Variants in FYB2 observed in about 807,000 individuals in gnomAD.
FYB2 encodes the protein FYN binding protein 2.
Under a neutral mutation model 94.1 loss-of-function variants are expected in FYB2, and 103 were observed. The ratio of observed to expected loss-of-function variants is 1.09; its 90% CI spans 0.93 to 1.29. The LOEUF (loss-of-function observed/expected upper bound fraction) is 1.29, where lower values mean the gene tolerates loss of function less well. Ranked by LOEUF, FYB2 falls within the 50% of genes most tolerant of loss-of-function variation. The pLI is 0.00. For missense variants in FYB2, 896 were observed against 841.5 expected (o/e 1.06, Z -0.80); for synonymous variants, 293 against 287.9 (o/e 1.02, Z -0.18).
chr1:56,787,357 C>T (rs1646155948), intron 3 of FYB2, 149 bp from the exon 4 acceptor site: 5 of 859,390 alleles, frequency 5.8e-6, no homozygotes, highest in Non-Finnish European at 9.5e-6. Context: ...CACCCCAGCA[C>T]CCAGGGGATG....
intron 6 of FYB2, among the ~76,000 whole-genome samples, chr1:56,757,123 A>T: frequency 6.6e-6 from 1 of 152,154 alleles, no homozygotes. Flanking sequence ...TTTAAAAATT[A>T]AAAATAATTG....
At chr1:56,722,774 A>G (rs758622290) in intron 17 of FYB2, among the ~76,000 whole-genome samples, 10 of 152,088 alleles carry the variant, frequency 6.6e-5, no homozygotes, top group African/African-American at 9.7e-5. Flanking sequence ...AGAGCTTTCT[A>G]TGCCATGTTA....
intron 1 of FYB2, among the ~76,000 whole-genome samples, chr1:56,814,609 A>G (rs563845077): frequency 1.3e-5 from 2 of 152,216 alleles, no homozygotes; most frequent in South Asian, 4.2e-4. Flanking sequence ...AGTCTTTTGG[A>G]CTTGTGACTA....
chr1:56,788,953 G>C lies in FYB2; in HGVS notation c.919+20C>G, dbSNP rs1646195296. On this transcript the variant is annotated intron_variant, in intron 3 of 19. Transcript: ENST00000343433. ...GTGACTCCTGGTTGGCCTTGTGTAGGGCCCTGTGCATTTCCTTACCTTCCC... is the reference window on the plus strand; with the variant it reads ...GTGACTCCTGGTTGGCCTTGTGTAGCGCCCTGTGCATTTCCTTACCTTCCC... 6.2e-7 allele frequency: 1 copy of C among 1,613,812 alleles called. No homozygotes were observed. Among genetic ancestry groups the C allele is most frequent in the Non-Finnish European group, 8.5e-7 (1 of 1,179,894 alleles).
At chr1:56,794,506 T>G (rs928947251) in intron 1 of FYB2, among the ~76,000 whole-genome samples, 2 of 152,182 alleles carry the variant, frequency 1.3e-5, no homozygotes, top group Non-Finnish European at 2.9e-5. Context: ...GCTTAGGAAA[T>G]GTTGGGCGAC....
chr1:56,791,997 A>G lies in FYB2; in HGVS notation c.757+59T>C. 1.1e-5 allele frequency: 16 copies of G among 1,511,906 alleles called. 1 individual carries two copies. The South Asian group carries it at 1.7e-4, about 16-fold the overall frequency. The allele number at this position is 1,511,906 out of a possible 1,614,324, so 93.7% of individuals were successfully genotyped here. A position where few individuals can be genotyped will look rare whatever the true frequency, so the allele number is the denominator to read the frequency against. The stretch of plus-strand genomic sequence containing the variant: ...ACCACTCTGAATCAACAGGTTTTCA[A>G]GTAGAAAAACATGATGACACCTCCC... On this transcript the variant is annotated intron_variant, in intron 2 of 19. Coordinates refer to ENST00000343433, the MANE Select transcript of FYB2 (RefSeq NM_001004303.5).
At chr1:56,744,484 C>T (rs1042766984) in intron 9 of FYB2, among the ~76,000 whole-genome samples, 3 of 151,888 alleles carry the variant, frequency 2.0e-5, no homozygotes, top group Non-Finnish European at 4.4e-5. Context: ...ATGCTAACAC[C>T]GAATCATGTG....
Position 56,792,056 on chromosome 1 carries a change from C to A in FYB2, c.757G>T (p.Glu253Ter). The change falls in exon 2 of 20, where the codon GAA becomes TAA. Residue 253 changes from glutamate (E) to a stop codon, truncating the protein, a stop_gained and splice_region_variant. Transcript: ENST00000343433. LOFTEE classifies it high-confidence loss of function. ...GTCCCATGGGGATCACGTTTGTTAC[C>A]TGGGGCCTGACTGGCAAGCTCACAC... is the stretch of plus-strand genomic sequence containing the variant. The part of the protein sequence containing the change: ...YECELASQAP[E>*]KQPDVRHHHL... 6.4e-7 allele frequency: 1 copy of A among 1,572,540 alleles called. No individual in the cohort carries two copies. Among genetic ancestry groups the A allele is most frequent in the South Asian group, 1.2e-5 (1 of 82,532 alleles).
chr1:56,806,246 A>G (rs919170947), intron 1 of FYB2, among the ~76,000 whole-genome samples: 4 of 152,190 alleles, frequency 2.6e-5, no homozygotes, highest in African/African-American at 9.7e-5. Flanking sequence ...ACCTAACCAG[A>G]CTGGGGACAG....
intron 13 of FYB2, among the ~76,000 whole-genome samples, chr1:56,739,221 A>G (rs1644896489): frequency 6.6e-6 from 1 of 152,098 alleles, no homozygotes; most frequent in South Asian, 2.1e-4. Context: ...TCAGATTTGC[A>G]TATTTAAAAC....
chr1:56,750,689 C>A (rs1395204468), intron 9 of FYB2, among the ~76,000 whole-genome samples: 1 of 151,862 alleles, frequency 6.6e-6, no homozygotes, highest in Non-Finnish European at 1.5e-5. Context: ...AAAAAAAGAA[C>A]AAACATTTGC....
chr1:56,739,232 A>G (rs1005341047), intron 13 of FYB2, among the ~76,000 whole-genome samples: 2 of 152,102 alleles, frequency 1.3e-5, no homozygotes, highest in Non-Finnish European at 2.9e-5. Context: ...TATTTAAAAC[A>G]TTAGCATTCT....
At chr1:56,751,437 A>G (rs1645196428) in intron 8 of FYB2, among the ~76,000 whole-genome samples, 1 of 152,074 alleles carries the variant, frequency 6.6e-6, no homozygotes, top group Non-Finnish European at 1.5e-5. Flanking sequence ...GGAAGCAGTC[A>G]GGATACAGGG....
At chr1:56,746,926 T>C (rs1296039947) in intron 9 of FYB2, among the ~76,000 whole-genome samples, 1 of 152,036 alleles carries the variant, frequency 6.6e-6, no homozygotes, top group Non-Finnish European at 1.5e-5. Flanking sequence ...ATGAGAGCTT[T>C]AGTTGCTCCA....
chr1:56,785,357 G>A (rs1646109702), intron 4 of FYB2, among the ~76,000 whole-genome samples: 1 of 152,194 alleles, frequency 6.6e-6, no homozygotes, highest in South Asian at 2.1e-4. Context: ...GCAGAACACT[G>A]TCCCTTCACA....
At chr1:56,794,679 C>G (rs1031748489) in intron 1 of FYB2, among the ~76,000 whole-genome samples, 3 of 152,114 alleles carry the variant, frequency 2.0e-5, no homozygotes, top group Non-Finnish European at 4.4e-5. Flanking sequence ...CTAACACACA[C>G]ACACACGCAC....
chr1:56,777,781 T>C (rs17372114), intron 4 of FYB2, among the ~76,000 whole-genome samples: 47,401 of 151,836 alleles, frequency 0.31, 8,813 homozygotes, highest in Non-Finnish European at 0.42. Flanking sequence ...AATGACCTTA[T>C]CACCAACATC....
intron 1 of FYB2, among the ~76,000 whole-genome samples, chr1:56,802,375 T>C (rs1410815633): frequency 1.3e-5 from 2 of 152,168 alleles, no homozygotes; most frequent in Non-Finnish European, 2.9e-5. Flanking sequence ...TGCAGGCAAT[T>C]ACCTAACCAT....
chr1:56,818,209 G>A (rs1208547458), intron 1 of FYB2, among the ~76,000 whole-genome samples: 1 of 152,024 alleles, frequency 6.6e-6, no homozygotes, highest in Non-Finnish European at 1.5e-5. Flanking sequence ...ACTCAGAGGA[G>A]GGAGATGAAG....
Sources: allele counts gnomAD v4.1 joint callset (sites outside exome capture counted in the v4.1 genomes callset), GRCh38; gene constraint gnomAD v4.1.1; transcripts MANE v1.5; gene names NCBI Gene and HGNC (gene_info 2026-07-23, HGNC 2026-07-21).